BBS9: variants seen among roughly 807,000 people sequenced by gnomAD.
The protein encoded by BBS9 is protein PTHB1.
Under a neutral mutation model 117.7 loss-of-function variants are expected in BBS9, and 89 were observed. The observed-to-expected ratio is 0.76, with a 90% confidence interval of 0.64 to 0.90. The LOEUF (loss-of-function observed/expected upper bound fraction) is 0.90, where lower values mean the gene tolerates loss of function less well. Ranked by LOEUF, BBS9 falls within the 40% of genes least tolerant of loss-of-function variation. The pLI is 0.00. For synonymous variants in BBS9, 379 were observed against 370.9 expected, an observed-to-expected ratio of 1.02 and a Z score of -0.25; for missense variants, 982 against 1,042.2, an observed-to-expected ratio of 0.94 and a Z score of 0.80.
intron 9 of BBS9, among the ~76,000 whole-genome samples, chr7:33,335,502 C>T (rs564721661): frequency 2.7e-4 from 41 of 152,130 alleles, no homozygotes; most frequent in South Asian, 2.5e-3. Flanking sequence ...TGGCTTATCA[C>T]GATGTTGAAT....
intron 16 of BBS9, among the ~76,000 whole-genome samples, chr7:33,361,680 C>A (rs1317883964): frequency 6.6e-6 from 1 of 151,976 alleles, no homozygotes; most frequent in East Asian, 1.9e-4. Context: ...ACTTGCATTT[C>A]TTCTTTTAAT....
intron 9 of BBS9, among the ~76,000 whole-genome samples, chr7:33,284,304 T>C (rs987962882): frequency 1.3e-5 from 2 of 152,192 alleles, no homozygotes; most frequent in Admixed American, 1.3e-4. Flanking sequence ...GTAGTTATTG[T>C]AGTACTTTCT....
chr7:33,588,003 G>A (rs1355712721), intron 21 of BBS9, among the ~76,000 whole-genome samples: 20 of 152,036 alleles, frequency 1.3e-4, no homozygotes, highest in Admixed American at 1.3e-3. Context: ...AATTTCCCAA[G>A]CAGACAGATG....
chr7:33,549,948 G>A (rs1287702972), intron 21 of BBS9, among the ~76,000 whole-genome samples: 1 of 152,124 alleles, frequency 6.6e-6, no homozygotes, highest in Non-Finnish European at 1.5e-5. Context: ...CTGGCATTTG[G>A]TACTGTTTTG....
rs66529823 is a variant in BBS9, at chr7:33,616,493, G to GTATATATA, written c.2522-18667_2522-18660dup. Among the ~76,000 whole-genome samples the GTATATATA allele has an allele frequency of 8.1e-3, 1,103 of 136,394 alleles. 11 individuals carry two copies. The highest frequency in any genetic ancestry group is 0.013 in the Non-Finnish European group (811 of 63,156). The allele number at this position is 136,394 out of a possible 152,430, so 89.5% of individuals were successfully genotyped here. On this transcript the variant is annotated intron_variant, in intron 21 of 21. Transcript: ENST00000671952. Reference sequence around the variant, plus strand: ...TTATATAATATATGTGTGTGTGTGTGTATATATATATATATATATATATAG... The same window carrying GTATATATA: ...TTATATAATATATGTGTGTGTGTGTGTATATATATATATATATATATATATATATATAG...
At chr7:33,301,637 A>G (rs975228274) in intron 9 of BBS9, among the ~76,000 whole-genome samples, 1 of 152,122 alleles carries the variant, frequency 6.6e-6, no homozygotes, top group East Asian at 1.9e-4. Flanking sequence ...ATAATATTCT[A>G]TTGTGTATAG....
chr7:33,577,213 A>C (rs1859055736), intron 21 of BBS9, among the ~76,000 whole-genome samples: 1 of 152,004 alleles, frequency 6.6e-6, no homozygotes, highest in Non-Finnish European at 1.5e-5. Flanking sequence ...GCAAGGAAAA[A>C]AAACAACCCC....
chr7:33,449,501 C>T (rs762134650), intron 19 of BBS9, among the ~76,000 whole-genome samples: 1 of 152,010 alleles, frequency 6.6e-6, no homozygotes, highest in Non-Finnish European at 1.5e-5. Context: ...GGCTTGGGGG[C>T]TGGGTGGACA....
intron 19 of BBS9, among the ~76,000 whole-genome samples, chr7:33,486,976 G>T (rs988563197): frequency 1.3e-5 from 2 of 152,212 alleles, no homozygotes; most frequent in Admixed American, 6.5e-5. Context: ...ACCCCACTGG[G>T]GTATCTTCGT....
chr7:33,625,477 G>A (rs1865594662), intron 21 of BBS9, among the ~76,000 whole-genome samples: 1 of 152,132 alleles, frequency 6.6e-6, no homozygotes, highest in African/African-American at 2.4e-5. Flanking sequence ...ATTTAAGTCT[G>A]TTTGATTTAA....
intron 9 of BBS9, among the ~76,000 whole-genome samples, chr7:33,316,695 G>C (rs1016166295): frequency 6.6e-6 from 1 of 152,100 alleles, no homozygotes; most frequent in African/African-American, 2.4e-5. Flanking sequence ...ACTTCGCTCT[G>C]TGAAATGTAT....
intron 20 of BBS9, among the ~76,000 whole-genome samples, chr7:33,528,726 G>C (rs1850076225): frequency 6.6e-6 from 1 of 152,176 alleles, no homozygotes; most frequent in East Asian, 1.9e-4. Context: ...GATTAAATGA[G>C]TTATCTAAGC....
At chr7:33,225,825 A>G (rs1791158353) in intron 5 of BBS9, among the ~76,000 whole-genome samples, 1 of 151,578 alleles carries the variant, frequency 6.6e-6, no homozygotes, top group Non-Finnish European at 1.5e-5. Context: ...AAATATACAT[A>G]CTTAGTATTT....
intron 5 of BBS9, among the ~76,000 whole-genome samples, chr7:33,251,850 T>C (rs186594173): frequency 8.1e-4 from 123 of 152,328 alleles, no homozygotes; most frequent in Non-Finnish European, 5.0e-4. Context: ...AGGCAGCCAC[T>C]TGGACTTGAA....
intron 20 of BBS9, among the ~76,000 whole-genome samples, chr7:33,509,342 C>G (rs544467865): frequency 6.6e-6 from 1 of 152,242 alleles, no homozygotes; most frequent in South Asian, 2.1e-4. Context: ...TGCCTTTAGA[C>G]CTCACAAATA....
At chr7:33,216,888 G>C (rs2128233010) in intron 5 of BBS9, among the ~76,000 whole-genome samples, 1 of 152,256 alleles carries the variant, frequency 6.6e-6, no homozygotes, top group Middle Eastern at 3.4e-3. Flanking sequence ...GAGGTCAGGA[G>C]TTTGAGACCA....
At chr7:33,254,769 T>G (rs566973584) in intron 5 of BBS9, among the ~76,000 whole-genome samples, 1 of 152,200 alleles carries the variant, frequency 6.6e-6, no homozygotes, top group Non-Finnish European at 1.5e-5. Context: ...TGTTTGTCTT[T>G]TGTTGTCTGG....
intron 21 of BBS9, among the ~76,000 whole-genome samples, chr7:33,616,829 C>T (rs1039770721): frequency 2.0e-5 from 3 of 151,772 alleles, no homozygotes; most frequent in Admixed American, 2.0e-4. Context: ...CATTATATCC[C>T]ATGTATAATT....
chr7:33,362,367 CT>C (rs138305970), intron 16 of BBS9, among the ~76,000 whole-genome samples: 3 of 151,096 alleles, frequency 2.0e-5, no homozygotes, highest in African/African-American at 7.3e-5. Context: ...GTTTCTCTCT[CT>C]TTTTTTTTGA....
Sources: gnomAD v4.1 joint callset for allele counts (sites outside exome capture counted in the v4.1 genomes callset) on GRCh38, gnomAD v4.1.1 for gene constraint, MANE v1.5 for transcripts, NCBI Gene and HGNC (gene_info 2026-07-23, HGNC 2026-07-21) for gene names.